FRMPD1: variants seen among roughly 807,000 people sequenced by gnomAD.
FRMPD1 encodes the protein FERM and PDZ domain-containing protein 1.
Under a neutral mutation model 117.8 loss-of-function variants are expected in FRMPD1, and 76 were observed. The ratio of observed to expected loss-of-function variants is 0.65; its 90% CI spans 0.54 to 0.78. The LOEUF (loss-of-function observed/expected upper bound fraction) is 0.78. FRMPD1 is among the 30% of genes least tolerant of loss of function. FRMPD1 has a pLI of 0.00. For missense variants in FRMPD1, 1,786 were observed against 1,964.5 expected (o/e 0.91, Z 1.72); for synonymous variants, 783 against 770.4 (o/e 1.02, Z -0.27).
At chr9:37,685,368 G>A (rs1039550767) in intron 1 of FRMPD1, among the ~76,000 whole-genome samples, 3 of 152,120 alleles carry the variant, frequency 2.0e-5, no homozygotes, top group South Asian at 4.1e-4. Flanking sequence ...TTTCGGCTGG[G>A]CGCAGTGGCT....
intron 5 of FRMPD1, among the ~76,000 whole-genome samples, chr9:37,714,902 C>G (rs908178387): frequency 6.6e-6 from 1 of 152,154 alleles, no homozygotes; most frequent in Non-Finnish European, 1.5e-5. Context: ...TCTGCCTCGG[C>G]CTCCCAAAGT....
At chr9:37,690,445 C>T (rs60444035) in intron 1 of FRMPD1, among the ~76,000 whole-genome samples, 2 of 151,632 alleles carry the variant, frequency 1.3e-5, no homozygotes, top group Non-Finnish European at 2.9e-5. Flanking sequence ...CTGAATTTTT[C>T]TGTTTGTTTT....
the FRMPD1 span, among the ~76,000 whole-genome samples, chr9:37,617,603 C>CA: frequency 6.6e-6 from 1 of 152,206 alleles, no homozygotes; most frequent in African/African-American, 2.4e-5. Flanking sequence ...TTCATGATCC[C>CA]AATCCAATCT....
At chr9:37,637,161 A>G in the FRMPD1 span, 20 of 1,610,368 alleles carry the variant, frequency 1.2e-5, no homozygotes, top group East Asian at 2.2e-5. Flanking sequence ...TGGATCTTGA[A>G]GTCCACCCCG....
chr9:37,618,852 G>A, the FRMPD1 span, among the ~76,000 whole-genome samples: 1 of 152,096 alleles, frequency 6.6e-6, no homozygotes, highest in Non-Finnish European at 1.5e-5. Flanking sequence ...CTTCCCTAAA[G>A]CACTCCATGG....
At chr9:37,691,698 G>A (rs1012838345) in intron 1 of FRMPD1, among the ~76,000 whole-genome samples, 5 of 152,286 alleles carry the variant, frequency 3.3e-5, no homozygotes, top group East Asian at 3.9e-4. Flanking sequence ...GAGGTCAGGC[G>A]TTCAAGACCA....
upstream of FRMPD1, among the ~76,000 whole-genome samples, chr9:37,645,987 G>A (rs900220616): frequency 5.3e-5 from 8 of 152,122 alleles, no homozygotes; most frequent in Non-Finnish European, 8.8e-5. Flanking sequence ...GAGGTGAGGC[G>A]ATTTTCCCAT....
At chr9:37,683,707 G>T (rs1442781351) in intron 1 of FRMPD1, among the ~76,000 whole-genome samples, 1 of 151,730 alleles carries the variant, frequency 6.6e-6, no homozygotes. Context: ...ATCACAAAAG[G>T]CTTTGGGGGG....
chr9:37,711,961 A>G (rs866033458), intron 5 of FRMPD1, among the ~76,000 whole-genome samples: 27 of 152,322 alleles, frequency 1.8e-4, no homozygotes, highest in South Asian at 6.2e-4. Flanking sequence ...TCAAATTTTC[A>G]AAGGAAAAAC....
At chr9:37,675,417 T>TAA (rs55853255) in intron 1 of FRMPD1, among the ~76,000 whole-genome samples, 29 of 137,610 alleles carry the variant, frequency 2.1e-4, no homozygotes, top group African/African-American at 7.3e-4. Flanking sequence ...TGAGACTGTC[T>TAA]AAAAAAAAAA....
chr9:37,670,190 AT>A (rs1821304477), intron 1 of FRMPD1: 2 of 152,132 alleles, frequency 1.3e-5, no homozygotes, highest in African/African-American at 4.8e-5. Flanking sequence ...TTGTTATTTT[AT>A]TCATTCATTC....
intron 4 of FRMPD1, among the ~76,000 whole-genome samples, chr9:37,710,153 G>A (rs1309157449): frequency 4.6e-5 from 7 of 152,178 alleles, no homozygotes; most frequent in Non-Finnish European, 8.8e-5. Context: ...TCCTTTTAGA[G>A]CACTTGCATT....
the FRMPD1 span, among the ~76,000 whole-genome samples, chr9:37,644,810 T>C: frequency 4.6e-5 from 7 of 152,112 alleles, no homozygotes; most frequent in African/African-American, 1.4e-4. Context: ...GTTGAGAGAA[T>C]AAGATGAGAT....
At chr9:37,714,110 T>C (rs1282780602) in intron 5 of FRMPD1, among the ~76,000 whole-genome samples, 1 of 152,234 alleles carries the variant, frequency 6.6e-6, no homozygotes, top group Non-Finnish European at 1.5e-5. Context: ...TAGGTATCGA[T>C]AAATGGAAGT....
At chr9:37,736,656 T>C (rs1824141416) in intron 13 of FRMPD1, among the ~76,000 whole-genome samples, 1 of 152,112 alleles carries the variant, frequency 6.6e-6, no homozygotes, top group Admixed American at 6.5e-5. Context: ...TTTATTCTTA[T>C]CACCCTCTCC....
chr9:37,687,270 T>G (rs1772848906), intron 1 of FRMPD1, among the ~76,000 whole-genome samples: 1 of 152,202 alleles, frequency 6.6e-6, no homozygotes. Flanking sequence ...AATTCCAGAA[T>G]CATGTGGAAT....
chr9:37,632,526 C>T, the FRMPD1 span, among the ~76,000 whole-genome samples: 5 of 152,278 alleles, frequency 3.3e-5, no homozygotes, highest in East Asian at 7.7e-4. Context: ...CTCTCTTCTG[C>T]GTAGGCTTTA....
In FRMPD1 at chr9:37,745,607, G is replaced by A; in HGVS notation, c.3575G>A (p.Gly1192Asp). 2 of 1,614,144 alleles carry A rather than the reference G, an allele frequency of 1.2e-6. No homozygotes were observed. The highest frequency in any genetic ancestry group is 1.7e-6 in the Non-Finnish European group (2 of 1,180,026). The part of the protein sequence containing the change: ...QGQSREPPGQ[G>D]CQAQEQKLFV... The stretch of plus-strand genomic sequence containing the variant: ...CAGAGCAGAGAACCCCCAGGGCAAG[G>A]CTGCCAGGCTCAAGAACAAAAACTA... The change falls in exon 16 of 16, where the codon GGC becomes GAC. Residue 1192 changes from glycine (G) to aspartate (D), a missense_variant. Coordinates refer to ENST00000377765, the MANE Select transcript of FRMPD1 (RefSeq NM_014907.3).
chr9:37,672,476 G>T (rs112078407), intron 1 of FRMPD1, among the ~76,000 whole-genome samples: 22 of 152,292 alleles, frequency 1.4e-4, no homozygotes, highest in African/African-American at 5.1e-4. Flanking sequence ...CTTATCAAAT[G>T]CCTGGTACTG....
Sources: allele counts gnomAD v4.1 joint callset (sites outside exome capture counted in the v4.1 genomes callset), GRCh38; gene constraint gnomAD v4.1.1; transcripts MANE v1.5; gene names NCBI Gene and HGNC (gene_info 2026-07-23, HGNC 2026-07-21).